SAMD3: variants seen among roughly 807,000 people sequenced by gnomAD.
The protein encoded by SAMD3 is sterile alpha motif domain containing 3.
Under a neutral mutation model 58.5 loss-of-function variants are expected in SAMD3, and 63 were observed. That is an observed-to-expected ratio of 1.08 (90% CI 0.88 to 1.33). SAMD3 has a LOEUF of 1.33. Ranked by LOEUF, SAMD3 falls within the 40% of genes most tolerant of loss-of-function variation. The pLI is 0.00. For missense variants in SAMD3, 604 were observed against 608.4 expected, an observed-to-expected ratio of 0.99 and a Z score of 0.08; for synonymous variants, 220 against 210.3, an observed-to-expected ratio of 1.05 and a Z score of -0.40.
intron 1 of SAMD3, among the ~76,000 whole-genome samples, chr6:130,338,880 T>C (rs1467883064): frequency 1.3e-5 from 2 of 152,162 alleles, no homozygotes; most frequent in African/African-American, 4.8e-5. Context: ...CAGATGAGAC[T>C]TTGGACTTGG....
At position 130,180,186 on chromosome 6, in the gene SAMD3, T is replaced by A. The variant is rs112119327; in HGVS notation, c.654+3917A>T. The stretch of plus-strand genomic sequence containing the variant: ...TCCAGGCCGGAGTGCAGTAGTGCAA[T>A]CATAGCTCACTGCTGTCTCAACCTC... On this transcript the variant is annotated intron_variant, in intron 7 of 11. Coordinates refer to ENST00000439090, the MANE Select transcript of SAMD3 (RefSeq NM_001017373.4). Among the ~76,000 whole-genome samples the A allele has an allele frequency of 1.0e-2, 1,511 of 151,652 alleles. 42 individuals are homozygous for A. Among genetic ancestry groups the A allele is most frequent in the African/African-American group, 0.035 (1,457 of 41,256 alleles).
intron 1 of SAMD3, among the ~76,000 whole-genome samples, chr6:130,331,130 A>G (rs1048716770): frequency 7.2e-5 from 11 of 152,244 alleles, no homozygotes; most frequent in South Asian, 2.1e-4. Flanking sequence ...TAGAATTTGC[A>G]TGAAGCTCCC....
chr6:130,209,144 C>T (rs568277790), intron 5 of SAMD3, among the ~76,000 whole-genome samples: 2 of 152,318 alleles, frequency 1.3e-5, no homozygotes, highest in African/African-American at 4.8e-5. Flanking sequence ...AAAACAAAAA[C>T]TCCACCAAGG....
At chr6:130,218,785 C>T (rs368986657) in intron 1 of SAMD3, among the ~76,000 whole-genome samples, 3 of 150,730 alleles carry the variant, frequency 2.0e-5, no homozygotes, top group African/African-American at 7.4e-5. Context: ...AAAGCAGGAT[C>T]AATATAATGA....
intron 1 of SAMD3, among the ~76,000 whole-genome samples, chr6:130,338,631 T>C (rs1162239265): frequency 6.6e-6 from 1 of 152,192 alleles, no homozygotes; most frequent in Non-Finnish European, 1.5e-5. Context: ...ACCCTTTGCA[T>C]CAGTGTGCCT....
chr6:130,328,703 C>T (rs1475219110), intron 1 of SAMD3, among the ~76,000 whole-genome samples: 1 of 152,174 alleles, frequency 6.6e-6, no homozygotes, highest in East Asian at 1.9e-4. Context: ...GGCTGTTTAG[C>T]CAAAAACAAT....
chr6:130,190,315 CA>C (rs66979213), intron 5 of SAMD3, among the ~76,000 whole-genome samples: 7 of 147,954 alleles, frequency 4.7e-5, no homozygotes, highest in East Asian at 2.0e-4. Context: ...ATGTAACGTA[CA>C]AAAAAAAAAC....
rs528372700 is a variant in SAMD3 at position 130,237,127 on chromosome 6, A to T, written c.-187-14314T>A. Among the ~76,000 whole-genome samples, 14 of 152,238 alleles carry T rather than the reference A, an allele frequency of 9.2e-5. No individual in the cohort carries two copies. The East Asian group carries it at 9.6e-4, about 10-fold the overall frequency. On this transcript the variant is annotated intron_variant, in intron 2 of 13. Coordinates refer to the SAMD3 transcript ENST00000368134. ...AAATAAAGCTGTGCTGATTTTTTTT[A>T]AAAATGTTTTTTCTATCTTCAGCAG...
chr6:130,298,273 C>A lies in SAMD3; in HGVS notation c.-188+14705G>T, dbSNP rs145185183. Among the ~76,000 whole-genome samples the A allele has an allele frequency of 2.0e-5, 3 of 152,232 alleles. No individual in the cohort carries two copies. The East Asian group carries it at 5.8e-4, about 29-fold the overall frequency. On this transcript the variant is annotated intron_variant, in intron 2 of 13. Coordinates refer to the SAMD3 transcript ENST00000368134. Reference sequence around the variant, plus strand: ...GAAAATGCTGCCAAGAATTTCATATCCTGCCAAACAAGCTTCATAAACGAA... The same window carrying A: ...GAAAATGCTGCCAAGAATTTCATATACTGCCAAACAAGCTTCATAAACGAA...
At chr6:130,190,682 A>T (rs920868048) in intron 5 of SAMD3, among the ~76,000 whole-genome samples, 1 of 152,138 alleles carries the variant, frequency 6.6e-6, no homozygotes, top group South Asian at 2.1e-4. Context: ...AAAAAAAAAT[A>T]AGAAAAGTAG....
At chr6:130,310,186 C>T (rs7749581) in intron 2 of SAMD3, among the ~76,000 whole-genome samples, 48,661 of 152,100 alleles carry the variant, frequency 0.32, 13,085 homozygotes, top group African/African-American at 0.74. Flanking sequence ...TCCGTTTCAA[C>T]TGTTTCAAAG....
intron 5 of SAMD3, among the ~76,000 whole-genome samples, chr6:130,193,679 T>G (rs1454569385): frequency 1.1e-4 from 17 of 152,164 alleles, no homozygotes; most frequent in Non-Finnish European, 1.5e-4. Flanking sequence ...ACCTAAAACC[T>G]AAATGCCTTA....
intron 1 of SAMD3, among the ~76,000 whole-genome samples, chr6:130,355,476 T>C (rs1352181817): frequency 6.6e-6 from 1 of 152,134 alleles, no homozygotes; most frequent in Non-Finnish European, 1.5e-5. Context: ...TGGTGTCACC[T>C]CCGTTTTTAA....
At chr6:130,188,854 T>TTTAC (rs1793249306) in intron 5 of SAMD3, among the ~76,000 whole-genome samples, 1 of 152,148 alleles carries the variant, frequency 6.6e-6, no homozygotes, top group South Asian at 2.1e-4. Flanking sequence ...TTATACCTCC[T>TTTAC]TTACTTTCTG....
At chr6:130,173,142 A>G (rs1048614617) in intron 8 of SAMD3, among the ~76,000 whole-genome samples, 4 of 152,174 alleles carry the variant, frequency 2.6e-5, no homozygotes, top group African/African-American at 4.8e-5. Flanking sequence ...GGGTTAGAAC[A>G]TGCTCCTTTA....
chr6:130,225,786 T>G (rs751666254), upstream of SAMD3, among the ~76,000 whole-genome samples: 9 of 152,210 alleles, frequency 5.9e-5, no homozygotes, highest in Non-Finnish European at 1.0e-4. Flanking sequence ...ATTCAGTATT[T>G]CTATAACCAG....
intron 2 of SAMD3, among the ~76,000 whole-genome samples, chr6:130,269,545 G>A (rs1013761946): frequency 2.0e-5 from 3 of 152,068 alleles, no homozygotes; most frequent in African/African-American, 7.2e-5. Context: ...AATGGCTAAA[G>A]GATTGGTAGT....
chr6:130,355,623 A>G (rs1323045949), intron 1 of SAMD3, among the ~76,000 whole-genome samples: 1 of 152,192 alleles, frequency 6.6e-6, no homozygotes, highest in Non-Finnish European at 1.5e-5. Context: ...ATCAAGAAAT[A>G]CCATTTTCAA....
chr6:130,363,956 T>A (rs1424484248), intron 1 of SAMD3, among the ~76,000 whole-genome samples: 1 of 152,200 alleles, frequency 6.6e-6, no homozygotes, highest in East Asian at 1.9e-4. Context: ...ATATTGGCCA[T>A]TAGTAAGGAT....
Sources: allele counts gnomAD v4.1 joint callset (sites outside exome capture counted in the v4.1 genomes callset), GRCh38; gene constraint gnomAD v4.1.1; transcripts MANE v1.5; gene names NCBI Gene and HGNC (gene_info 2026-07-23, HGNC 2026-07-21).